The following IL1RAPL1 variants were observed in gnomAD, a reference collection of about 807,000 sequenced individuals.
The protein encoded by IL1RAPL1 is interleukin 1 receptor accessory protein like 1, also known as interleukin-1 receptor accessory protein-like 1.
Under a neutral mutation model 48.4 loss-of-function variants are expected in IL1RAPL1, and 3 were observed. The observed-to-expected ratio is 0.06, with a 90% CI of 0.03 to 0.16. IL1RAPL1 has a LOEUF of 0.16. IL1RAPL1 is among the 10% of genes least tolerant of loss of function. IL1RAPL1 has a pLI of 1.00. For missense variants in IL1RAPL1, 349 were observed against 530.6 expected (o/e 0.66, Z 3.36); for synonymous variants, 185 against 187.7 (o/e 0.99, Z 0.12).
chrX:29,118,566 A>C (rs1368272539), intron 2 of IL1RAPL1, among the ~76,000 whole-genome samples: 3 of 111,863 alleles, frequency 2.7e-5, no homozygotes, highest in African/African-American at 9.7e-5. Flanking sequence ...TATTTTCCTG[A>C]ATAAAAATAC....
chrX:29,733,689 A>G (rs1250695431), intron 6 of IL1RAPL1, among the ~76,000 whole-genome samples: 1 of 112,695 alleles, frequency 8.9e-6, no homozygotes, highest in Non-Finnish European at 1.9e-5. Flanking sequence ...TTCATGGCAT[A>G]TGCTCTTTTT....
intron 6 of IL1RAPL1, among the ~76,000 whole-genome samples, chrX:29,824,685 A>C (rs1005952275): frequency 1.8e-5 from 2 of 112,057 alleles, no homozygotes; most frequent in African/African-American, 6.5e-5. Context: ...ATCTTAAAAA[A>C]GGAAGTGTCT....
chrX:29,085,622 G>A (rs1270432746), intron 2 of IL1RAPL1, among the ~76,000 whole-genome samples: 1 of 111,779 alleles, frequency 8.9e-6, no homozygotes, highest in African/African-American at 3.3e-5. Flanking sequence ...ATATTCCAGA[G>A]AAAGTCTGAA....
chrX:28,709,148 G>T (rs1475272959), intron 1 of IL1RAPL1, among the ~76,000 whole-genome samples: 1 of 112,085 alleles, frequency 8.9e-6, no homozygotes, highest in Non-Finnish European at 1.9e-5. Flanking sequence ...GCATAAACTC[G>T]ATCCTCGAGG....
intron 2 of IL1RAPL1, among the ~76,000 whole-genome samples, chrX:28,977,441 C>T (rs1925232019): frequency 9.0e-6 from 1 of 111,496 alleles, no homozygotes; most frequent in Non-Finnish European, 1.9e-5. Context: ...AGAACTCACT[C>T]ACTATACAGT....
chrX:29,885,362 T>G (rs1388661140), intron 6 of IL1RAPL1, among the ~76,000 whole-genome samples: 1 of 112,041 alleles, frequency 8.9e-6, no homozygotes, highest in East Asian at 2.8e-4. Flanking sequence ...TATCTAACTT[T>G]TGTCTGTCTG....
In IL1RAPL1 at chrX:29,769,427, GTTTTTTTTTTTTTTTT is replaced by G. The variant is rs749403144; in HGVS notation, c.778+100942_778+100957del. Among the ~76,000 whole-genome samples the G allele has an allele frequency of 2.5e-3, 64 of 25,882 alleles. 1 individual carries two copies. In the East Asian group the frequency reaches 0.079, roughly 32 times the overall value. 22.5% of individuals were successfully genotyped at this position (25,882 alleles called of 115,157 possible). A position where few individuals can be genotyped will look rare whatever the true frequency, so the allele number is the denominator to read the frequency against. On this transcript the variant is annotated intron_variant, in intron 6 of 10. Transcript: ENST00000378993. ...CATATTTTTGAGGGACTGCCAAACA[GTTTTTTTTTTTTTTTT>G]TTTTTTTTTTTTTTTTTTGTGATGG...
intron 2 of IL1RAPL1, among the ~76,000 whole-genome samples, chrX:29,181,984 AGT>A (rs1930152893): frequency 9.0e-6 from 1 of 111,388 alleles, no homozygotes; most frequent in African/African-American, 3.3e-5. Context: ...TCTCCAAAAT[AGT>A]GTCTTTGTGT....
intron 3 of IL1RAPL1, among the ~76,000 whole-genome samples, chrX:29,386,079 G>GA (rs1933773260): frequency 9.0e-6 from 1 of 111,639 alleles, no homozygotes; most frequent in Non-Finnish European, 1.9e-5. Flanking sequence ...TCTCAGGCTG[G>GA]AGTACAGTAG....
At chrX:28,661,621 A>G (rs758763684) in intron 1 of IL1RAPL1, among the ~76,000 whole-genome samples, 1 of 111,809 alleles carries the variant, frequency 8.9e-6, no homozygotes, top group East Asian at 2.8e-4. Flanking sequence ...TATTAACTCT[A>G]GGAGACAGGA....
chrX:29,411,576 G>A (rs887882872), intron 5 of IL1RAPL1, among the ~76,000 whole-genome samples: 4 of 111,267 alleles, frequency 3.6e-5, no homozygotes, highest in African/African-American at 1.3e-4. Flanking sequence ...GTAATCCAAC[G>A]GATTGCTTGC....
chrX:29,939,964 G>C (rs1375929526), intron 8 of IL1RAPL1, among the ~76,000 whole-genome samples: 2 of 106,497 alleles, frequency 1.9e-5, no homozygotes, highest in African/African-American at 7.0e-5. Context: ...CTGGGTTCAA[G>C]CGATTCTCCT....
intron 2 of IL1RAPL1, among the ~76,000 whole-genome samples, chrX:29,261,502 C>T (rs1319372671): frequency 9.0e-6 from 1 of 111,173 alleles, no homozygotes; most frequent in Non-Finnish European, 1.9e-5. Flanking sequence ...TTGCTCAACT[C>T]AAAAACCTGG....
intron 6 of IL1RAPL1, among the ~76,000 whole-genome samples, chrX:29,816,156 C>A (rs1020644975): frequency 9.0e-6 from 1 of 110,765 alleles, no homozygotes; most frequent in African/African-American, 3.3e-5. Flanking sequence ...AACGGATAAA[C>A]AAGATAAATA....
At chrX:28,747,804 A>G (rs1935996636) in intron 1 of IL1RAPL1, among the ~76,000 whole-genome samples, 1 of 111,510 alleles carries the variant, frequency 9.0e-6, no homozygotes, top group African/African-American at 3.3e-5. Flanking sequence ...TATACATTGG[A>G]ACTTGGTATG....
At chrX:29,664,917 T>C (rs1925956813) in intron 5 of IL1RAPL1, among the ~76,000 whole-genome samples, 2 of 112,470 alleles carry the variant, frequency 1.8e-5, no homozygotes, top group South Asian at 3.7e-4. Context: ...GTTCCTTCTA[T>C]TATGCAGAAG....
At chrX:28,877,196 T>C (rs1218906712) in intron 2 of IL1RAPL1, among the ~76,000 whole-genome samples, 1 of 112,423 alleles carries the variant, frequency 8.9e-6, no homozygotes, top group Admixed American at 9.4e-5. Context: ...GTGATTCCGA[T>C]GGGCAGCCAG....
At chrX:29,326,670 A>G (rs1359268061) in intron 3 of IL1RAPL1, among the ~76,000 whole-genome samples, 2 of 112,061 alleles carry the variant, frequency 1.8e-5, no homozygotes, top group Non-Finnish European at 3.8e-5. Flanking sequence ...TAATATAGCC[A>G]CCATTTATTA....
intron 2 of IL1RAPL1, among the ~76,000 whole-genome samples, chrX:29,158,989 G>C (rs1260483591): frequency 1.5e-5 from 1 of 66,203 alleles, no homozygotes; most frequent in Admixed American, 2.5e-4. Context: ...TTCTTTCTTT[G>C]TTTCTTTCCT....
Sources: allele counts gnomAD v4.1 joint callset (sites outside exome capture counted in the v4.1 genomes callset), GRCh38; gene constraint gnomAD v4.1.1; transcripts MANE v1.5; gene names NCBI Gene and HGNC (gene_info 2026-07-23, HGNC 2026-07-21).